GPHN: variants seen among roughly 807,000 people sequenced by gnomAD.
GPHN encodes gephyrin.
A neutral mutation model predicts 95.5 loss-of-function variants in GPHN; 17 were observed. The observed-to-expected ratio is 0.18, with a 90% CI of 0.12 to 0.27. GPHN has a LOEUF of 0.27. GPHN is among the 10% of genes least tolerant of loss of function. GPHN has a pLI of 1.00. For missense variants in GPHN, 660 were observed against 978.1 expected (o/e 0.67, Z 4.34); for synonymous variants, 320 against 322.5 (o/e 0.99, Z 0.08).
the GPHN span, among the ~76,000 whole-genome samples, chr14:67,645,018 G>A: frequency 0.11 from 16,472 of 146,758 alleles, 1,301 homozygotes; most frequent in South Asian, 0.34. Context: ...AAAAAAAATT[G>A]AATGCCATGC....
the GPHN span, chr14:67,301,886 C>T: frequency 1.5e-6 from 2 of 1,363,734 alleles, no homozygotes; most frequent in East Asian, 4.9e-5. Context: ...ATTTAATGGT[C>T]AGAATACTAT....
At chr14:67,071,628 A>G (rs924302703) in intron 11 of GPHN, among the ~76,000 whole-genome samples, 1 of 152,114 alleles carries the variant, frequency 6.6e-6, no homozygotes, top group Admixed American at 6.5e-5. Context: ...AACTTAAAGT[A>G]TAATAATAAA....
chr14:67,592,278 TA>T, the GPHN span: 32,820 of 312,962 alleles, frequency 0.1, no homozygotes, highest in South Asian at 0.17. Flanking sequence ...CTACTAAAAA[TA>T]AAAAAAAAAA....
rs1326367168 is a variant in GPHN at position 66,924,291 on chromosome 14, G to A, written c.827G>A (p.Arg276Gln). The A allele has an allele frequency of 1.9e-6, 3 of 1,562,750 alleles. No individual in the cohort carries two copies. Among genetic ancestry groups the A allele is most frequent in the Non-Finnish European group, 1.8e-6 (2 of 1,133,272 alleles). Residue 276 changes from arginine to glutamine, a missense_variant and splice_region_variant, in exon 8 of 23, where the codon CGG becomes CAG. By Grantham distance (43) the Arg-to-Gln change is conservative. Coordinates refer to ENST00000478722, the MANE Select transcript of GPHN (RefSeq NM_020806.5). ...TATTCCCATCATTCAACAGATGAAC[G>A]GGTAAGACAAGAGGCTTTTGCATTA... The part of the protein sequence containing the change: ...INYSHHSTDE[R>Q]IPDSIISRGV...
intron 2 of GPHN, among the ~76,000 whole-genome samples, chr14:66,727,811 C>T (rs191097581): frequency 6.6e-6 from 1 of 152,214 alleles, no homozygotes; most frequent in East Asian, 1.9e-4. Context: ...AAAAGAAAAT[C>T]CCATTTTCTG....
chr14:67,288,194 C>T, the GPHN span, among the ~76,000 whole-genome samples: 15 of 152,278 alleles, frequency 9.9e-5, no homozygotes, highest in South Asian at 6.2e-4. Context: ...ATTCTCCTGC[C>T]TCAGCCTCCC....
the GPHN span, among the ~76,000 whole-genome samples, chr14:67,654,103 G>C: frequency 6.6e-6 from 1 of 152,104 alleles, no homozygotes; most frequent in South Asian, 2.1e-4. Flanking sequence ...CTCTCAGCTC[G>C]TTCCTTGGCT....
At chr14:67,147,674 T>G (rs898019087) in intron 18 of GPHN, among the ~76,000 whole-genome samples, 1 of 152,178 alleles carries the variant, frequency 6.6e-6, no homozygotes, top group African/African-American at 2.4e-5. Context: ...AGTGCTGGGA[T>G]TATAGGCGTG....
the GPHN span, chr14:67,201,730 A>G: frequency 2.9e-6 from 1 of 342,196 alleles, no homozygotes; most frequent in South Asian, 2.2e-5. Flanking sequence ...AATCCAGAAG[A>G]AGAGGGGCAC....
At chr14:66,926,466 T>C (rs934657663) in intron 8 of GPHN, among the ~76,000 whole-genome samples, 2 of 152,228 alleles carry the variant, frequency 1.3e-5, no homozygotes, top group African/African-American at 4.8e-5. Context: ...ATAATCTGCA[T>C]ATGGATATCC....
chr14:66,707,661 G>A (rs1209304512), intron 2 of GPHN, among the ~76,000 whole-genome samples: 2 of 152,186 alleles, frequency 1.3e-5, no homozygotes, highest in Non-Finnish European at 2.9e-5. Flanking sequence ...ACCAGGGCCT[G>A]TTGGGCGGCG....
At chr14:66,676,968 CATT>C (rs1321360517) in intron 1 of GPHN, among the ~76,000 whole-genome samples, 1 of 151,926 alleles carries the variant, frequency 6.6e-6, no homozygotes, top group Non-Finnish European at 1.5e-5. Flanking sequence ...TCTCGTTACT[CATT>C]ATTGATCTGC....
At chr14:66,688,211 A>G (rs1285057231) in intron 2 of GPHN, among the ~76,000 whole-genome samples, 1 of 152,220 alleles carries the variant, frequency 6.6e-6, no homozygotes, top group Non-Finnish European at 1.5e-5. Flanking sequence ...AGATCAAGAT[A>G]TAAGTCTTTA....
chr14:67,010,997 C>T (rs1023255812), intron 9 of GPHN, among the ~76,000 whole-genome samples: 3 of 152,042 alleles, frequency 2.0e-5, no homozygotes, highest in Non-Finnish European at 2.9e-5. Context: ...TTTGAGAAAT[C>T]CAAGCTAAAG....
the GPHN span, among the ~76,000 whole-genome samples, chr14:67,517,265 G>T: frequency 4.6e-5 from 7 of 152,326 alleles, no homozygotes; most frequent in South Asian, 1.5e-3. Context: ...GCTGTGGCCG[G>T]CGGCTGGCAG....
chr14:67,093,185 T>A (rs1056131954), intron 12 of GPHN, among the ~76,000 whole-genome samples: 1 of 152,126 alleles, frequency 6.6e-6, no homozygotes. Flanking sequence ...AGAGAGAATT[T>A]AAAAATTTTT....
intron 5 of GPHN, among the ~76,000 whole-genome samples, chr14:66,887,514 G>T (rs2064256831): frequency 6.6e-6 from 1 of 152,150 alleles, no homozygotes; most frequent in South Asian, 2.1e-4. Context: ...GGTGGAGGTT[G>T]CAGTGAGCTG....
In GPHN at chr14:66,667,677, A is replaced by G. The variant is rs183059689; in HGVS notation, c.65-13430A>G. Among the ~76,000 whole-genome samples the G allele has an allele frequency of 1.8e-3, 272 of 152,256 alleles. 1 individual carries two copies. The highest frequency in any genetic ancestry group is 6.3e-3 in the African/African-American group (260 of 41,534). On this transcript the variant is annotated intron_variant, in intron 1 of 22. Coordinates refer to ENST00000478722, the MANE Select transcript of GPHN (RefSeq NM_020806.5). Reference sequence around the variant, plus strand: ...CAAGGTGGATTAAAGACTTAAGTGTAAAACCCGAAACTATAAAAACCCTGG... The same window carrying G: ...CAAGGTGGATTAAAGACTTAAGTGTGAAACCCGAAACTATAAAAACCCTGG...
At chr14:66,580,414 AG>A (rs1328873303) in intron 1 of GPHN, among the ~76,000 whole-genome samples, 1 of 151,864 alleles carries the variant, frequency 6.6e-6, no homozygotes, top group Non-Finnish European at 1.5e-5. Flanking sequence ...AACAAAGCTA[AG>A]AGTTGTTTTT....
Sources: gnomAD v4.1 joint callset for allele counts (sites outside exome capture counted in the v4.1 genomes callset) on GRCh38, gnomAD v4.1.1 for gene constraint, MANE v1.5 for transcripts, NCBI Gene and HGNC (gene_info 2026-07-23, HGNC 2026-07-21) for gene names.